The following ERC2 variants were observed in gnomAD, a reference collection of about 807,000 sequenced individuals.
The protein encoded by ERC2 is ERC protein 2.
ERC2 carries 42 observed loss-of-function variants against 114.8 expected under a neutral mutation model. That is an observed-to-expected ratio of 0.37 (90% CI 0.29 to 0.47). The LOEUF is 0.47. Among genes scored for constraint, ERC2 ranks in the 20% least tolerant of loss-of-function variants. The pLI, the probability that ERC2 is intolerant of heterozygous loss-of-function variation, is 0.99. For missense variants in ERC2, 939 were observed against 1,150.7 expected (o/e 0.82, Z 2.66); for synonymous variants, 454 against 425.5 (o/e 1.07, Z -0.82).
intron 14 of ERC2, among the ~76,000 whole-genome samples, chr3:55,860,253 A>G (rs547673497): frequency 6.6e-6 from 1 of 152,296 alleles, no homozygotes; most frequent in African/African-American, 2.4e-5. Flanking sequence ...CAAAAATCCT[A>G]TAGTAAACAC....
intron 6 of ERC2, among the ~76,000 whole-genome samples, chr3:56,087,149 A>C (rs1236031925): frequency 1.3e-5 from 2 of 150,848 alleles, no homozygotes; most frequent in Non-Finnish European, 2.9e-5. Flanking sequence ...TTTCCATTTT[A>C]GGAGAATTGC....
intron 7 of ERC2, among the ~76,000 whole-genome samples, chr3:56,023,546 T>C (rs2073856718): frequency 6.6e-6 from 1 of 152,146 alleles, no homozygotes; most frequent in African/African-American, 2.4e-5. Flanking sequence ...GCACACTCCT[T>C]GCCTCCTTCA....
chr3:56,339,144 T>G (rs1380731166), intron 2 of ERC2, among the ~76,000 whole-genome samples: 1 of 152,132 alleles, frequency 6.6e-6, no homozygotes, highest in Non-Finnish European at 1.5e-5. Context: ...AGAGAAAAGT[T>G]AATAACATGC....
intron 6 of ERC2, among the ~76,000 whole-genome samples, chr3:56,134,701 C>A (rs1441439716): frequency 6.6e-6 from 1 of 152,030 alleles, no homozygotes; most frequent in East Asian, 1.9e-4. Flanking sequence ...CCCCTGCATT[C>A]TTTGTTAATG....
At chr3:56,325,385 G>A (rs974509580) in intron 2 of ERC2, among the ~76,000 whole-genome samples, 3 of 152,080 alleles carry the variant, frequency 2.0e-5, no homozygotes, top group African/African-American at 7.2e-5. Context: ...GGCAGAGCTT[G>A]CAGTGAGCCA....
chr3:56,098,545 T>C (rs936719777), intron 6 of ERC2, among the ~76,000 whole-genome samples: 1 of 152,194 alleles, frequency 6.6e-6, no homozygotes, highest in Non-Finnish European at 1.5e-5. Context: ...TTCCTTGGCC[T>C]CTTATGACAT....
chr3:55,811,737 C>T (rs181536215), intron 14 of ERC2, among the ~76,000 whole-genome samples: 1 of 152,262 alleles, frequency 6.6e-6, no homozygotes, highest in African/African-American at 2.4e-5. Flanking sequence ...TGACTATGCA[C>T]CCCCAAGGCC....
intron 2 of ERC2, among the ~76,000 whole-genome samples, chr3:56,299,595 A>G (rs2055725276): frequency 6.6e-6 from 1 of 151,530 alleles, no homozygotes; most frequent in African/African-American, 2.4e-5. Context: ...ACACTCAGCT[A>G]ATTTTTGTAT....
rs567556751 is a variant in ERC2 at position 55,725,760 on chromosome 3, G to T, written c.2712+9011C>A. 2.0e-5 allele frequency among the ~76,000 whole-genome samples: 3 copies of T among 152,348 alleles called. No homozygotes were observed. In the East Asian group the frequency reaches 5.8e-4, roughly 29 times the overall value. ...GGCCATCAGGTCAGCTTGATGCTCT[G>T]GGAAGATGCCCTTCTGATAGGGATT... On this transcript the variant is annotated intron_variant, in intron 15 of 17. Coordinates refer to ENST00000288221, the MANE Select transcript of ERC2 (RefSeq NM_015576.3).
chr3:56,123,561 TC>T (rs755497590), intron 6 of ERC2, among the ~76,000 whole-genome samples: 1 of 152,098 alleles, frequency 6.6e-6, no homozygotes, highest in Non-Finnish European at 1.5e-5. Flanking sequence ...ACAAAATCAT[TC>T]TCTTGTCTCC....
intron 2 of ERC2, among the ~76,000 whole-genome samples, chr3:56,309,523 G>C (rs2056417634): frequency 6.6e-6 from 1 of 152,168 alleles, no homozygotes; most frequent in Admixed American, 6.5e-5. Context: ...TACGTGATCT[G>C]GGGAAAAATC....
At chr3:55,600,468 C>T (rs1303244092) in intron 17 of ERC2, among the ~76,000 whole-genome samples, 7 of 152,322 alleles carry the variant, frequency 4.6e-5, no homozygotes, top group South Asian at 2.1e-4. Context: ...TCTCTGTCAT[C>T]GTGCAGAAGA....
intron 15 of ERC2, among the ~76,000 whole-genome samples, chr3:55,728,488 T>A (rs2065055720): frequency 6.6e-6 from 1 of 152,118 alleles, no homozygotes; most frequent in African/African-American, 2.4e-5. Context: ...GGGAAAAACA[T>A]TCCAGGCAAA....
chr3:55,880,074 G>T (rs1433655453), intron 14 of ERC2, among the ~76,000 whole-genome samples: 1 of 152,202 alleles, frequency 6.6e-6, no homozygotes, highest in Admixed American at 6.5e-5. Flanking sequence ...TCAATGGATG[G>T]GATGTGTAAC....
intron 17 of ERC2, among the ~76,000 whole-genome samples, chr3:55,633,285 C>G (rs537005834): frequency 2.0e-5 from 3 of 152,320 alleles, no homozygotes; most frequent in Admixed American, 6.5e-5. Context: ...TCCATAATGT[C>G]TGCTGAATGA....
intron 13 of ERC2, among the ~76,000 whole-genome samples, chr3:55,914,481 C>T (rs2064985703): frequency 6.6e-6 from 1 of 152,202 alleles, no homozygotes; most frequent in African/African-American, 2.4e-5. Flanking sequence ...CAGCTTTTCA[C>T]TTTAACATGG....
At chr3:56,202,501 C>CTTTTT (rs11457828) in intron 3 of ERC2, among the ~76,000 whole-genome samples, 29,460 of 140,428 alleles carry the variant, frequency 0.21, 3,705 homozygotes, top group Non-Finnish European at 0.28. Flanking sequence ...TAAACTCAAG[C>CTTTTT]TTTTTTTTTT....
At chr3:56,397,502 G>A (rs1180900155) in intron 2 of ERC2, among the ~76,000 whole-genome samples, 1 of 152,154 alleles carries the variant, frequency 6.6e-6, no homozygotes, top group Non-Finnish European at 1.5e-5. Flanking sequence ...ACTCTGTTCT[G>A]TAGCTTGCTT....
chr3:55,787,587 C>G (rs769491199), intron 14 of ERC2, among the ~76,000 whole-genome samples: 1 of 151,998 alleles, frequency 6.6e-6, no homozygotes, highest in Non-Finnish European at 1.5e-5. Flanking sequence ...TATATTTTAC[C>G]TCTTTAGAGC....
Sources: allele counts gnomAD v4.1 joint callset (sites outside exome capture counted in the v4.1 genomes callset), GRCh38; gene constraint gnomAD v4.1.1; transcripts MANE v1.5; gene names NCBI Gene and HGNC (gene_info 2026-07-23, HGNC 2026-07-21).